The following TIAM1 variants were observed in gnomAD, a reference collection of about 807,000 sequenced individuals.
The protein encoded by TIAM1 is TIAM Rac1 associated GEF 1, also known as rho guanine nucleotide exchange factor TIAM1.
TIAM1 carries 65 observed loss-of-function variants against 163.5 expected under a neutral mutation model. The ratio of observed to expected loss-of-function variants is 0.40; its 90% CI spans 0.33 to 0.49. The LOEUF is 0.49. Ranked by LOEUF, TIAM1 falls within the 20% of genes least tolerant of loss-of-function variation. The pLI is 0.77. For missense variants in TIAM1, 1,789 were observed against 2,044.7 expected, an observed-to-expected ratio of 0.87 and a Z score of 2.41; for synonymous variants, 833 against 810.1, an observed-to-expected ratio of 1.03 and a Z score of -0.48.
In TIAM1 at chr21:31,361,275, T is replaced by C. The variant is rs138027955; in HGVS notation, c.-368-21853A>G. On this transcript the variant is annotated intron_variant, in intron 2 of 28. Coordinates refer to the TIAM1 transcript ENST00000286827. ...ACTTAATAAAGTATGATTCCACTGATATACAGTTCAAAAACAAGCAAAATT... is the reference window on the plus strand; with the variant it reads ...ACTTAATAAAGTATGATTCCACTGACATACAGTTCAAAAACAAGCAAAATT... Among the ~76,000 whole-genome samples the C allele has an allele frequency of 2.2e-3, 329 of 152,314 alleles. 1 individual carries two copies. Among genetic ancestry groups the C allele is most frequent in the African/African-American group, 7.6e-3 (316 of 41,568 alleles).
chr21:31,202,766 T>G, intron 12 of TIAM1, 142 bp downstream of exon 12: 1 of 738,642 alleles, frequency 1.4e-6, no homozygotes, highest in Non-Finnish European at 2.2e-6. Flanking sequence ...AGTAGGGCCA[T>G]CTCCACCAAC....
At chr21:31,429,002 G>C (rs1475699871) in intron 2 of TIAM1, among the ~76,000 whole-genome samples, 2 of 152,012 alleles carry the variant, frequency 1.3e-5, no homozygotes, top group Non-Finnish European at 2.9e-5. Flanking sequence ...AACTTTGTTT[G>C]TTTGTTTGTT....
rs375245057 is a variant in TIAM1, at chr21:31,496,275, A to G, written c.-421-32240T>C. On this transcript the variant is annotated intron_variant, in intron 1 of 28. Transcript: ENST00000286827. ...GAGGCTGAGGCAGGTGGATTACTTG[A>G]GATCAGGTGGTCGAGACCAACCTGA... Among the ~76,000 whole-genome samples, 11 of 152,266 alleles carry G rather than the reference A, an allele frequency of 7.2e-5. No homozygotes were observed. The East Asian group carries it at 1.9e-3, about 27-fold the overall frequency.
intron 1 of TIAM1, among the ~76,000 whole-genome samples, chr21:31,550,786 A>C (rs1207756592): frequency 6.6e-6 from 1 of 152,240 alleles, no homozygotes; most frequent in Non-Finnish European, 1.5e-5. Flanking sequence ...AGTTAAGGAG[A>C]AAAAGAGAAG....
intron 2 of TIAM1, among the ~76,000 whole-genome samples, chr21:31,361,945 T>C (rs2147137232): frequency 1.3e-5 from 2 of 152,276 alleles, no homozygotes; most frequent in African/African-American, 2.4e-5. Context: ...TGCATGTAAG[T>C]GTATATACAC....
intron 5 of TIAM1, among the ~76,000 whole-genome samples, chr21:31,245,916 T>A (rs138823702): frequency 1.1e-3 from 168 of 152,280 alleles, no homozygotes; most frequent in African/African-American, 3.7e-3. Context: ...AAACCCTTCC[T>A]TTGGGTTTTA....
At chr21:31,201,454 G>A (rs139298719) in intron 12 of TIAM1, among the ~76,000 whole-genome samples, 195 of 152,266 alleles carry the variant, frequency 1.3e-3, no homozygotes, top group African/African-American at 4.3e-3. Context: ...TTCCTTAAAA[G>A]CCCTTAAAGG....
chr21:31,511,528 G>C (rs1299779891), intron 1 of TIAM1, among the ~76,000 whole-genome samples: 2 of 152,132 alleles, frequency 1.3e-5, no homozygotes, highest in African/African-American at 2.4e-5. Flanking sequence ...ATAGTATCTA[G>C]CTCATCCTGC....
intron 2 of TIAM1, among the ~76,000 whole-genome samples, chr21:31,429,773 T>C (rs920879854): frequency 5.3e-5 from 8 of 152,062 alleles, no homozygotes; most frequent in Admixed American, 5.2e-4. Context: ...CTCCCAGTCA[T>C]CCAGATGGGA....
intron 2 of TIAM1, among the ~76,000 whole-genome samples, chr21:31,383,872 C>A (rs756466857): frequency 6.6e-6 from 1 of 152,140 alleles, no homozygotes; most frequent in Non-Finnish European, 1.5e-5. Flanking sequence ...AAACCTGGAA[C>A]GGAAAATGAA....
At chr21:31,232,362 G>T (rs2088489947) in intron 6 of TIAM1, among the ~76,000 whole-genome samples, 1 of 152,108 alleles carries the variant, frequency 6.6e-6, no homozygotes, top group Non-Finnish European at 1.5e-5. Flanking sequence ...TCTAAATAAA[G>T]CAACAGTCCC....
chr21:31,530,232 T>C (rs1268658028), intron 1 of TIAM1, among the ~76,000 whole-genome samples: 4 of 152,226 alleles, frequency 2.6e-5, no homozygotes, highest in Middle Eastern at 3.2e-3. Flanking sequence ...AGAATAGCTA[T>C]CATCGATCTA....
At chr21:31,283,138 A>G (rs147051456) in intron 2 of TIAM1, among the ~76,000 whole-genome samples, 1 of 152,374 alleles carries the variant, frequency 6.6e-6, no homozygotes, top group Non-Finnish European at 1.5e-5. Flanking sequence ...GCTACCATTT[A>G]TGGAAAGCTT....
chr21:31,393,948 C>T (rs1272858138), intron 2 of TIAM1, among the ~76,000 whole-genome samples: 2 of 151,958 alleles, frequency 1.3e-5, no homozygotes, highest in African/African-American at 2.4e-5. Context: ...AAATGTTATA[C>T]AATAAAGCAC....
intron 1 of TIAM1, among the ~76,000 whole-genome samples, chr21:31,545,157 TATAAG>T (rs1189358734): frequency 6.6e-6 from 1 of 152,162 alleles, no homozygotes; most frequent in African/African-American, 2.4e-5. Context: ...CTGATAACCT[TATAAG>T]AGAAAGGGGG....
At chr21:31,152,585 A>C in intron 19 of TIAM1, 51 bp downstream of exon 19, 1 of 1,604,654 alleles carries the variant, frequency 6.2e-7, no homozygotes, top group Non-Finnish European at 8.5e-7. Context: ...AGGGGATTCA[A>C]CTTGAGCCAC....
intron 2 of TIAM1, among the ~76,000 whole-genome samples, chr21:31,308,915 G>A (rs572447747): frequency 6.6e-6 from 1 of 152,096 alleles, no homozygotes; most frequent in Admixed American, 6.5e-5. Context: ...CTGGGAGTTG[G>A]GGGGGTTAGT....
intron 2 of TIAM1, among the ~76,000 whole-genome samples, chr21:31,403,026 A>G (rs535985): frequency 0.5 from 76,734 of 152,116 alleles, 21,805 homozygotes; most frequent in East Asian, 0.86. Flanking sequence ...CACCACGGCT[A>G]ATGTGCAGGG....
intron 1 of TIAM1, among the ~76,000 whole-genome samples, chr21:31,478,890 C>T (rs1299236296): frequency 6.6e-6 from 1 of 152,170 alleles, no homozygotes; most frequent in African/African-American, 2.4e-5. Context: ...ATGACTACAT[C>T]ACCCAAAAAG....
Sources: allele counts gnomAD v4.1 joint callset (sites outside exome capture counted in the v4.1 genomes callset), GRCh38; gene constraint gnomAD v4.1.1; transcripts MANE v1.5; gene names NCBI Gene and HGNC (gene_info 2026-07-23, HGNC 2026-07-21).